EFNA5: variants seen among roughly 807,000 people sequenced by gnomAD.
EFNA5 encodes the protein ephrin A5.
A neutral mutation model predicts 22.9 loss-of-function variants in EFNA5; 5 were observed. The ratio of observed to expected loss-of-function variants is 0.22; its 90% CI spans 0.11 to 0.46. The LOEUF is 0.46. Ranked by LOEUF, EFNA5 falls within the 20% of genes least tolerant of loss-of-function variation. The probability of loss-of-function intolerance (pLI) is 0.99; values close to 1 mark genes in which losing one functional copy is unlikely to be tolerated. For synonymous variants in EFNA5, 113 were observed against 112.2 expected, an observed-to-expected ratio of 1.01 and a Z score of -0.04; for missense variants, 237 against 293.3, an observed-to-expected ratio of 0.81 and a Z score of 1.40.
chr5:107,506,207 T>C (rs1221117393), intron 1 of EFNA5: 2 of 152,232 alleles, frequency 1.3e-5, no homozygotes, highest in Non-Finnish European at 2.9e-5. Context: ...CATCAAGATA[T>C]CTTGTACATA....
intron 1 of EFNA5, among the ~76,000 whole-genome samples, chr5:107,618,469 G>C (rs1374246888): frequency 6.6e-6 from 1 of 152,168 alleles, no homozygotes. Flanking sequence ...CCTCAGGCCA[G>C]TAGACTGACA....
At chr5:107,484,910 C>CA (rs760507911) in intron 1 of EFNA5, among the ~76,000 whole-genome samples, 2 of 133,436 alleles carry the variant, frequency 1.5e-5, no homozygotes, top group African/African-American at 2.8e-5. Flanking sequence ...AAAGGTACCA[C>CA]AAAAAACAAG....
chr5:107,542,861 T>A (rs1748075939), intron 1 of EFNA5, among the ~76,000 whole-genome samples: 1 of 152,204 alleles, frequency 6.6e-6, no homozygotes, highest in South Asian at 2.1e-4. Context: ...TAAACAGGCT[T>A]GCCTCACAAC....
chr5:107,568,386 A>G (rs1434205754), intron 1 of EFNA5, among the ~76,000 whole-genome samples: 2 of 152,212 alleles, frequency 1.3e-5, no homozygotes, highest in Non-Finnish European at 2.9e-5. Flanking sequence ...GAATTGAGAG[A>G]CAGTTAGACC....
chr5:107,417,773 A>G (rs1295833713), intron 2 of EFNA5, among the ~76,000 whole-genome samples: 1 of 152,166 alleles, frequency 6.6e-6, no homozygotes, highest in Non-Finnish European at 1.5e-5. Context: ...TCTGGCTGTG[A>G]AAAGTCTCAT....
rs559781820 is a variant in EFNA5 at position 107,617,822 on chromosome 5, A to C, written c.125+52667T>G. On this transcript the variant is annotated intron_variant, in intron 1 of 4. Transcript: ENST00000333274. ...TTAATTTTTTGCCTGATAGGAGGGC[A>C]TCTACTTAAAGTAAGTGGACCTATA... Among the ~76,000 whole-genome samples, 4 of 152,306 alleles carry C rather than the reference A, an allele frequency of 2.6e-5. No individual in the cohort carries two copies. In the South Asian group the frequency reaches 8.3e-4, roughly 32 times the overall value.
intron 1 of EFNA5, among the ~76,000 whole-genome samples, chr5:107,551,077 A>G (rs955522934): frequency 1.3e-5 from 2 of 152,222 alleles, no homozygotes; most frequent in Non-Finnish European, 2.9e-5. Context: ...AGAGCTTTTT[A>G]TAGTATAATT....
rs1244416928 is a variant in EFNA5, at chr5:107,380,110, T to C, written c.*1145A>G. On this transcript the variant is annotated 3_prime_UTR_variant, in exon 5 of 5. Transcript: ENST00000333274. Reference sequence around the variant, plus strand: ...AAGTAGTGCTGACTGACTCTCCTGGTGACAGGGGTTTGTGTCCGAGCCCCT... The same window carrying C: ...AAGTAGTGCTGACTGACTCTCCTGGCGACAGGGGTTTGTGTCCGAGCCCCT... 1.3e-5 allele frequency: 2 copies of C among 151,946 alleles called. No homozygotes were observed. The highest frequency in any genetic ancestry group is 2.9e-5 in the Non-Finnish European group (2 of 68,000). The allele number at this position is 151,946 out of a possible 1,614,324, so 9.4% of individuals were successfully genotyped here. A position where few individuals can be genotyped will look rare whatever the true frequency, so the allele number is the denominator to read the frequency against.
At chr5:107,484,743 C>T (rs1746547144) in intron 1 of EFNA5, among the ~76,000 whole-genome samples, 1 of 151,314 alleles carries the variant, frequency 6.6e-6, no homozygotes, top group African/African-American at 2.4e-5. Context: ...ACTCAGGGTA[C>T]CTAGGTAGAG....
At chr5:107,643,002 T>C (rs1750559417) in intron 1 of EFNA5, among the ~76,000 whole-genome samples, 1 of 151,974 alleles carries the variant, frequency 6.6e-6, no homozygotes, top group Non-Finnish European at 1.5e-5. Flanking sequence ...TATATACTTT[T>C]CCTGATTGAG....
In EFNA5 at chr5:107,555,340, G is replaced by A. The variant is rs897839587; in HGVS notation, c.125+115149C>T. ...AACATGCAGCTTTGTAATCCTGTTC[G>A]TGCAGCTACCCATGTTCAACCATTT... is the stretch of plus-strand genomic sequence containing the variant. On this transcript the variant is annotated intron_variant, in intron 1 of 4. Coordinates refer to ENST00000333274, the MANE Select transcript of EFNA5 (RefSeq NM_001962.3). Among the ~76,000 whole-genome samples the A allele has an allele frequency of 1.2e-4, 19 of 152,246 alleles. 1 individual carries two copies. The highest frequency in any genetic ancestry group is 8.3e-4 in the South Asian group (4 of 4,820).
intron 1 of EFNA5, among the ~76,000 whole-genome samples, chr5:107,578,838 G>T (rs1748982026): frequency 1.3e-5 from 2 of 152,194 alleles, no homozygotes; most frequent in African/African-American, 4.8e-5. Context: ...GCGATGATAT[G>T]GGGCTGGCTT....
chr5:107,612,881 G>A (rs960940600), intron 1 of EFNA5, among the ~76,000 whole-genome samples: 9 of 152,096 alleles, frequency 5.9e-5, no homozygotes, highest in Non-Finnish European at 1.2e-4. Context: ...ATGAATGAAA[G>A]TTAAAGGAAA....
chr5:107,659,758 A>C (rs1750907199), intron 1 of EFNA5, among the ~76,000 whole-genome samples: 1 of 152,136 alleles, frequency 6.6e-6, no homozygotes, highest in South Asian at 2.1e-4. Context: ...AGACCATGCC[A>C]AAATAATATT....
intron 1 of EFNA5, among the ~76,000 whole-genome samples, chr5:107,515,249 G>A (rs1278313210): frequency 6.6e-6 from 1 of 151,788 alleles, no homozygotes; most frequent in Non-Finnish European, 1.5e-5. Flanking sequence ...TGTTGGCCAG[G>A]CTGGTCTCAA....
At chr5:107,444,392 A>C (rs189290835) in intron 1 of EFNA5, among the ~76,000 whole-genome samples, 5 of 152,372 alleles carry the variant, frequency 3.3e-5, no homozygotes, top group African/African-American at 1.2e-4. Context: ...AATAATGCAA[A>C]GGCAGACAAA....
chr5:107,612,895 C>T (rs1419759299), intron 1 of EFNA5, among the ~76,000 whole-genome samples: 1 of 152,096 alleles, frequency 6.6e-6, no homozygotes, highest in Non-Finnish European at 1.5e-5. Context: ...AAGGAAATAA[C>T]CTTCTAGACA....
At chr5:107,481,855 A>AT in intron 1 of EFNA5, among the ~76,000 whole-genome samples, 1 of 150,358 alleles carries the variant, frequency 6.7e-6, no homozygotes, top group South Asian at 2.1e-4. Flanking sequence ...ATCTCAAAAA[A>AT]AAAAAAAAGA....
At chr5:107,512,289 G>A (rs1300272620) in intron 1 of EFNA5, among the ~76,000 whole-genome samples, 3 of 152,090 alleles carry the variant, frequency 2.0e-5, no homozygotes, top group Admixed American at 6.5e-5. Flanking sequence ...AGGCTCCTCA[G>A]TAGGGTGTAA....
Sources: allele counts gnomAD v4.1 joint callset (sites outside exome capture counted in the v4.1 genomes callset), GRCh38; gene constraint gnomAD v4.1.1; transcripts MANE v1.5; gene names NCBI Gene and HGNC (gene_info 2026-07-23, HGNC 2026-07-21).